The following MAST4 variants were observed in gnomAD, a reference collection of about 807,000 sequenced individuals.
MAST4 encodes microtubule associated serine/threonine kinase family member 4.
A neutral mutation model predicts 162.7 loss-of-function variants in MAST4; 89 were observed. The ratio of observed to expected loss-of-function variants is 0.55; its 90% confidence interval spans 0.46 to 0.65. MAST4 has a LOEUF of 0.65. MAST4 is among the 30% of genes least tolerant of loss of function. The pLI, the probability that MAST4 is intolerant of heterozygous loss-of-function variation, is 0.00. For synonymous variants in MAST4, 1,479 were observed against 1,361.1 expected (o/e 1.09, Z -1.91); for missense variants, 3,153 against 3,374.0 (o/e 0.93, Z 1.62).
intron 1 of MAST4, among the ~76,000 whole-genome samples, chr5:66,659,933 T>A (rs1170369094): frequency 6.7e-6 from 1 of 148,896 alleles, no homozygotes; most frequent in Non-Finnish European, 1.5e-5. Context: ...TGCCACATGC[T>A]TGTGAAGACA....
intron 1 of MAST4, among the ~76,000 whole-genome samples, chr5:66,611,882 A>C (rs1743312332): frequency 6.6e-6 from 1 of 152,270 alleles, no homozygotes; most frequent in South Asian, 2.1e-4. Flanking sequence ...GTGGTGGATT[A>C]TATAACAATT....
At position 66,981,207 on chromosome 5, in the gene MAST4, C is replaced by CA. The variant is rs1163402161; in HGVS notation, c.675-73193dup. On this transcript the variant is annotated intron_variant, in intron 4 of 28. Transcript: ENST00000403625. ...AAGCCTCCAAGTGGGATTTTTTTTG[C>CA]AAAATGTTATCTGAAATAGCTGAAT... Among the ~76,000 whole-genome samples the CA allele has an allele frequency of 2.6e-5, 4 of 151,092 alleles. No individual in the cohort carries two copies. The East Asian group carries it at 7.8e-4, about 29-fold the overall frequency.
At chr5:67,013,611 A>G (rs1207087706) in intron 4 of MAST4, among the ~76,000 whole-genome samples, 1 of 152,218 alleles carries the variant, frequency 6.6e-6, no homozygotes, top group East Asian at 1.9e-4. Flanking sequence ...GTCATTGACA[A>G]ATTTCTCAGC....
At chr5:67,003,537 G>C (rs553929276) in intron 4 of MAST4, among the ~76,000 whole-genome samples, 21 of 152,030 alleles carry the variant, frequency 1.4e-4, no homozygotes, top group African/African-American at 3.6e-4. Flanking sequence ...TTACTGCATG[G>C]ACTAAGCCAT....
At chr5:66,766,566 C>G (rs1002034420) in intron 2 of MAST4, among the ~76,000 whole-genome samples, 1 of 151,702 alleles carries the variant, frequency 6.6e-6, no homozygotes, top group Non-Finnish European at 1.5e-5. Flanking sequence ...AGAAAACATT[C>G]TTTCATTTAA....
intron 5 of MAST4, among the ~76,000 whole-genome samples, chr5:67,058,952 A>G (rs1759207162): frequency 6.6e-6 from 1 of 152,242 alleles, no homozygotes; most frequent in South Asian, 2.1e-4. Context: ...GCATTTATTA[A>G]TCTTACAGTT....
At chr5:66,773,174 G>A (rs1300706412) in intron 2 of MAST4, among the ~76,000 whole-genome samples, 3 of 152,186 alleles carry the variant, frequency 2.0e-5, no homozygotes, top group Admixed American at 6.5e-5. Flanking sequence ...AGGAAAAAGA[G>A]TAGGTCAAGA....
At chr5:67,102,170 A>G (rs554803230) in intron 8 of MAST4, among the ~76,000 whole-genome samples, 1 of 152,186 alleles carries the variant, frequency 6.6e-6, no homozygotes, top group African/African-American at 2.4e-5. Flanking sequence ...CTTTGTAGCT[A>G]TCCTATTTTA....
At position 67,164,733 on chromosome 5, in the gene MAST4, G is replaced by C. The variant is rs201907198; in HGVS notation, c.5554G>C (p.Asp1852His). The change falls in exon 29 of 29, where the codon GAT becomes CAT. Residue 1852 changes from aspartate to histidine, a missense_variant. Coordinates refer to ENST00000403625, the MANE Select transcript of MAST4 (RefSeq NM_001164664.2). This position sits in a 1 kb window ranked among gnomAD's most constrained non-coding sequence, Gnocchi z 5.3. ...VLPSSSGKKN[D>H]TTSARELSPS... is the part of the protein sequence containing the mutation. ...CCCCAGCAGCAGTGGGAAAAAGAAC[G>C]ATACCACCAGTGCAAGAGAGCTTTC... The C allele has an allele frequency of 3.8e-5, 62 of 1,613,986 alleles. No homozygotes were observed. In the East Asian group the frequency reaches 1.3e-3, roughly 34 times the overall value.
At position 67,163,631 on chromosome 5, in the gene MAST4, G is replaced by GC; in HGVS notation, c.4454dup (p.Leu1486AlafsTer6). On this transcript the variant is annotated frameshift_variant, in exon 29 of 29. Transcript: ENST00000403625. LOFTEE classifies it low-confidence loss of function (END_TRUNC). The surrounding 1 kb of genome is among the most constrained non-coding windows in gnomAD (Gnocchi z 7.0). ...AGCGGGAGCAGTCCCAGCGGGAGGC[G>GC]CCGCTGCAGAGCCTGGATGAGAACG... The GC allele has an allele frequency of 2.5e-6, 4 of 1,605,302 alleles. No individual in the cohort carries two copies. The highest frequency in any genetic ancestry group is 3.4e-6 in the Non-Finnish European group (4 of 1,176,546).
chr5:66,732,644 TC>T (rs1251435429), intron 1 of MAST4, among the ~76,000 whole-genome samples: 1 of 152,236 alleles, frequency 6.6e-6, no homozygotes, highest in East Asian at 1.9e-4. Context: ...CAACATTTGT[TC>T]TTTGAATGAA....
At position 67,118,700 on chromosome 5, in the gene MAST4, A is replaced by G. The variant is rs376447084; in HGVS notation, c.1610A>G (p.Asn537Ser). ...DPLEEMAHLG[N>S]YDSGTAETPE... ...AACTTAGAAATGGCTCATTTGGGAAACTACGATAGTGGGACAGCAGAAACA... is the reference window on the plus strand; with the variant it reads ...AACTTAGAAATGGCTCATTTGGGAAGCTACGATAGTGGGACAGCAGAAACA... The change falls in exon 13 of 29, where the codon AAC (asparagine) becomes AGC (serine). Residue 537 changes from asparagine (N) to serine (S), a missense_variant. Physicochemically the swap from Asn to Ser is conservative, Grantham distance 46 (BLOSUM62 1). This residue lies in a region of MAST4 where 360 missense variants were observed against 450.0 expected (regional missense o/e 0.80). Coordinates refer to ENST00000403625, the MANE Select transcript of MAST4 (RefSeq NM_001164664.2). 1 of 1,575,752 alleles carries G rather than the reference A, an allele frequency of 6.3e-7. No homozygotes were observed. Among genetic ancestry groups the G allele is most frequent in the African/African-American group, 1.3e-5 (1 of 74,192 alleles).
chr5:66,873,664 C>A (rs947694695), intron 3 of MAST4, among the ~76,000 whole-genome samples: 12 of 152,106 alleles, frequency 7.9e-5, no homozygotes, highest in Non-Finnish European at 1.6e-4. Flanking sequence ...AACACTGAGC[C>A]CCATTGCTCT....
intron 25 of MAST4, among the ~76,000 whole-genome samples, chr5:67,153,138 CCTT>C (rs1248493519): frequency 2.0e-5 from 3 of 152,164 alleles, no homozygotes; most frequent in African/African-American, 7.2e-5. Flanking sequence ...CTATTTCCAT[CCTT>C]CTTTTATTTT....
intron 1 of MAST4, among the ~76,000 whole-genome samples, chr5:66,755,069 A>G (rs946868836): frequency 6.6e-6 from 1 of 152,180 alleles, no homozygotes; most frequent in African/African-American, 2.4e-5. Context: ...TCATTTTAGA[A>G]GGGTCACTGC....
intron 4 of MAST4, among the ~76,000 whole-genome samples, chr5:67,053,177 T>C (rs1284206724): frequency 6.6e-6 from 1 of 152,182 alleles, no homozygotes; most frequent in East Asian, 1.9e-4. Context: ...CAGCCTGACC[T>C]TAAGAAATTA....
intron 4 of MAST4, among the ~76,000 whole-genome samples, chr5:67,035,652 AG>A (rs1755923773): frequency 6.6e-6 from 1 of 152,126 alleles, no homozygotes; most frequent in African/African-American, 2.4e-5. Flanking sequence ...GGTGGTGGGC[AG>A]GAACATCCGT....
chr5:66,794,419 G>T (rs918717882), intron 3 of MAST4, among the ~76,000 whole-genome samples: 3 of 152,182 alleles, frequency 2.0e-5, no homozygotes, highest in African/African-American at 7.2e-5. Flanking sequence ...ACAGTACTTT[G>T]CATAGTGCCT....
chr5:66,637,236 C>A (rs1427764332), intron 1 of MAST4, among the ~76,000 whole-genome samples: 1 of 103,936 alleles, frequency 9.6e-6, no homozygotes, highest in Non-Finnish European at 1.9e-5. Flanking sequence ...AGGATTATTT[C>A]CATTCTTTTT....
Sources: allele counts gnomAD v4.1 joint callset (sites outside exome capture counted in the v4.1 genomes callset), GRCh38; gene constraint gnomAD v4.1.1; regional missense constraint gnomAD v4.1.1; non-coding constraint Gnocchi (gnomAD v3.1); transcripts MANE v1.5; gene names NCBI Gene and HGNC (gene_info 2026-07-23, HGNC 2026-07-21).